PTPRG: variants seen among roughly 807,000 people sequenced by gnomAD.
PTPRG encodes the protein receptor-type tyrosine-protein phosphatase gamma.
PTPRG carries 102 observed loss-of-function variants against 165.3 expected under a neutral mutation model. That is an observed-to-expected ratio of 0.62 (90% CI 0.53 to 0.73). The LOEUF (loss-of-function observed/expected upper bound fraction) is 0.73, where lower values mean the gene tolerates loss of function less well. Ranked by LOEUF, PTPRG falls within the 30% of genes least tolerant of loss-of-function variation. The probability of loss-of-function intolerance (pLI) is 0.00; values close to 1 mark genes in which losing one functional copy is unlikely to be tolerated. For synonymous variants in PTPRG, 675 were observed against 669.5 expected (o/e 1.01, Z -0.13); for missense variants, 1,866 against 1,861.4 (o/e 1.00, Z -0.05).
At chr3:62,256,495 A>T (rs7649381) in intron 16 of PTPRG, among the ~76,000 whole-genome samples, 4,460 of 152,248 alleles carry the variant, frequency 0.029, 229 homozygotes, top group African/African-American at 0.1. Flanking sequence ...CATGTCAAGT[A>T]TTTAATGCTA....
chr3:61,993,457 G>A (rs545370476), intron 3 of PTPRG, among the ~76,000 whole-genome samples: 1 of 152,150 alleles, frequency 6.6e-6, no homozygotes, highest in East Asian at 1.9e-4. Flanking sequence ...AACCTCAGGT[G>A]ATCCGCCCAC....
At chr3:61,726,509 T>G (rs1208135420) in intron 1 of PTPRG, among the ~76,000 whole-genome samples, 1 of 152,146 alleles carries the variant, frequency 6.6e-6, no homozygotes, top group Non-Finnish European at 1.5e-5. Flanking sequence ...TTGCTAAATA[T>G]AATTGTAAGT....
chr3:61,584,425 C>G lies in PTPRG; in HGVS notation c.85+22053C>G, dbSNP rs914548482. ...TACCTCCAGAGTTCCTCTCTCTTAT[C>G]GTATCTTGTCCCTCGCTCCATTTCC... is the stretch of plus-strand genomic sequence containing the variant. On this transcript the variant is annotated intron_variant, in intron 1 of 29. Coordinates refer to ENST00000474889, the MANE Select transcript of PTPRG (RefSeq NM_002841.4). 2.6e-5 allele frequency among the ~76,000 whole-genome samples: 4 copies of G among 152,120 alleles called. No homozygotes were observed. The East Asian group carries it at 7.7e-4, about 29-fold the overall frequency.
intron 2 of PTPRG, among the ~76,000 whole-genome samples, chr3:61,830,817 A>C (rs1430909845): frequency 6.6e-6 from 1 of 151,912 alleles, no homozygotes; most frequent in Admixed American, 6.5e-5. Context: ...CAGGTGATCC[A>C]CCTGCCTCGG....
At chr3:62,085,131 A>G (rs1357628907) in intron 5 of PTPRG, among the ~76,000 whole-genome samples, 3 of 152,212 alleles carry the variant, frequency 2.0e-5, no homozygotes, top group Non-Finnish European at 4.4e-5. Context: ...ACAGTAGTGC[A>G]TTGACCTCAA....
chr3:61,651,957 T>G (rs1390261463), intron 1 of PTPRG, among the ~76,000 whole-genome samples: 1 of 150,494 alleles, frequency 6.6e-6, no homozygotes, highest in Non-Finnish European at 1.5e-5. Context: ...TTGTAGTGAG[T>G]AGAGATCACA....
At chr3:61,990,043 A>ACC (rs2040848230) in intron 3 of PTPRG, among the ~76,000 whole-genome samples, 2 of 152,072 alleles carry the variant, frequency 1.3e-5, no homozygotes, top group African/African-American at 2.4e-5. Flanking sequence ...ATACATCTAG[A>ACC]CCTAGGGTAG....
chr3:62,110,222 A>G (rs570143186), intron 5 of PTPRG, among the ~76,000 whole-genome samples: 17 of 148,460 alleles, frequency 1.1e-4, no homozygotes, highest in Non-Finnish European at 2.5e-4. Flanking sequence ...TGCTCAAATT[A>G]CTGACGTGGT....
chr3:61,938,957 G>A (rs554058224), intron 2 of PTPRG, among the ~76,000 whole-genome samples: 2 of 152,252 alleles, frequency 1.3e-5, no homozygotes, highest in African/African-American at 4.8e-5. Context: ...CTTTATGAAT[G>A]GAAAAGTAGA....
intron 5 of PTPRG, among the ~76,000 whole-genome samples, chr3:62,126,010 T>A (rs1049022428): frequency 1.3e-5 from 2 of 152,158 alleles, no homozygotes; most frequent in African/African-American, 2.4e-5. Flanking sequence ...TTCCTCCCTC[T>A]CTTCTGCTCT....
At chr3:62,088,273 A>T (rs574976894) in intron 5 of PTPRG, among the ~76,000 whole-genome samples, 9 of 152,298 alleles carry the variant, frequency 5.9e-5, no homozygotes, top group African/African-American at 2.2e-4. Context: ...GCAGCCCAAA[A>T]TGTCTGTGCT....
intron 1 of PTPRG, among the ~76,000 whole-genome samples, chr3:61,654,264 T>TG (rs1460169786): frequency 6.6e-6 from 1 of 152,232 alleles, no homozygotes; most frequent in African/African-American, 2.4e-5. Flanking sequence ...AGATAATTGA[T>TG]GTGCGTTCTC....
intron 7 of PTPRG, among the ~76,000 whole-genome samples, chr3:62,167,500 C>G (rs1705036612): frequency 6.6e-6 from 1 of 152,078 alleles, no homozygotes; most frequent in Non-Finnish European, 1.5e-5. Context: ...TGATTATCAC[C>G]ATTTTATTGA....
intron 6 of PTPRG, among the ~76,000 whole-genome samples, chr3:62,134,426 C>G (rs1477791480): frequency 4.6e-5 from 7 of 152,204 alleles, no homozygotes. Flanking sequence ...CTTCCTCTCC[C>G]GCCAGTCTGC....
Position 62,039,946 on chromosome 3 carries a change from G to A in PTPRG, c.519+36449G>A, listed in dbSNP as rs186669657. ...ATATTTTAAAAACTTATCCCACTTA[G>A]TGAGACATTCTTGACATTAAATAGA... On this transcript the variant is annotated intron_variant, in intron 4 of 29. Coordinates refer to ENST00000474889, the MANE Select transcript of PTPRG (RefSeq NM_002841.4). Among the ~76,000 whole-genome samples, 542 of 152,306 alleles carry A rather than the reference G, an allele frequency of 3.6e-3. 1 individual carries two copies. The highest frequency in any genetic ancestry group is 0.012 in the African/African-American group (518 of 41,566).
chr3:62,247,024 C>G (rs903365327), intron 15 of PTPRG, among the ~76,000 whole-genome samples: 79 of 152,264 alleles, frequency 5.2e-4, no homozygotes, highest in African/African-American at 1.8e-3. Context: ...AGGGTCATCA[C>G]TGTGGAATAT....
intron 1 of PTPRG, among the ~76,000 whole-genome samples, chr3:61,672,727 G>A (rs1703059253): frequency 1.5e-5 from 2 of 132,822 alleles, no homozygotes; most frequent in South Asian, 5.9e-4. Context: ...GGGAGAGGGA[G>A]ACTGTGGGGA....
chr3:61,586,773 CTTCT>C (rs1480868974), intron 1 of PTPRG, among the ~76,000 whole-genome samples: 5 of 152,220 alleles, frequency 3.3e-5, no homozygotes, highest in Admixed American at 6.5e-5. Flanking sequence ...ATCTACTTGG[CTTCT>C]TTGACTAACA....
At chr3:61,940,135 C>T (rs1457968517) in intron 2 of PTPRG, among the ~76,000 whole-genome samples, 2 of 151,566 alleles carry the variant, frequency 1.3e-5, no homozygotes, top group Admixed American at 1.3e-4. Flanking sequence ...TTAGTAGAGA[C>T]AGGGTTTTAC....
Sources: allele counts gnomAD v4.1 joint callset (sites outside exome capture counted in the v4.1 genomes callset), GRCh38; gene constraint gnomAD v4.1.1; transcripts MANE v1.5; gene names NCBI Gene and HGNC (gene_info 2026-07-23, HGNC 2026-07-21).